CORO2B: variants seen among roughly 807,000 people sequenced by gnomAD.
The protein encoded by CORO2B is coronin 2B.
Under a neutral mutation model 58.8 loss-of-function variants are expected in CORO2B, and 26 were observed. That is an observed-to-expected ratio of 0.44 (90% CI 0.32 to 0.61). CORO2B has a LOEUF of 0.61. CORO2B is among the 20% of genes least tolerant of loss of function. The pLI is 0.04. For synonymous variants in CORO2B, 242 were observed against 253.8 expected (o/e 0.95, Z 0.44); for missense variants, 460 against 645.1 (o/e 0.71, Z 3.11).
At chr15:68,674,456 C>T (rs1000627992) in intron 2 of CORO2B, among the ~76,000 whole-genome samples, 12 of 152,164 alleles carry the variant, frequency 7.9e-5, no homozygotes, top group African/African-American at 2.9e-4. Flanking sequence ...CCCTGCTGCC[C>T]CTTCCTGTGA....
chr15:68,654,245 G>T (rs1901732000), intron 2 of CORO2B, among the ~76,000 whole-genome samples: 1 of 152,204 alleles, frequency 6.6e-6, no homozygotes, highest in African/African-American at 2.4e-5. Context: ...TTATTACAAG[G>T]TTATGGGATG....
the CORO2B span, among the ~76,000 whole-genome samples, chr15:68,525,829 A>C: frequency 1.8e-3 from 279 of 152,310 alleles, no homozygotes; most frequent in Non-Finnish European, 2.7e-3. Context: ...AGTTTTTACA[A>C]ATGTATACAT....
intron 2 of CORO2B, among the ~76,000 whole-genome samples, chr15:68,674,270 C>A (rs982183033): frequency 6.6e-6 from 1 of 152,172 alleles, no homozygotes; most frequent in Non-Finnish European, 1.5e-5. Context: ...AAGAAGCAAC[C>A]CTTTGGGGTC....
At chr15:68,705,714 C>T (rs1472650045) in intron 3 of CORO2B, among the ~76,000 whole-genome samples, 2 of 152,164 alleles carry the variant, frequency 1.3e-5, no homozygotes, top group African/African-American at 4.8e-5. Context: ...TACCCTGACC[C>T]CCCATCCCTG....
chr15:68,708,017 G>C (rs1029003854), intron 3 of CORO2B, among the ~76,000 whole-genome samples: 1 of 152,150 alleles, frequency 6.6e-6, no homozygotes, highest in Non-Finnish European at 1.5e-5. Context: ...CACCAAAGGG[G>C]ATGACAATGG....
At chr15:68,601,086 T>G (rs1012517752) in intron 1 of CORO2B, among the ~76,000 whole-genome samples, 1 of 152,174 alleles carries the variant, frequency 6.6e-6, no homozygotes, top group Non-Finnish European at 1.5e-5. Flanking sequence ...TGGGGTGGCA[T>G]GCAGGTTTTG....
At chr15:68,686,937 C>T (rs1903002672) in intron 2 of CORO2B, among the ~76,000 whole-genome samples, 1 of 152,016 alleles carries the variant, frequency 6.6e-6, no homozygotes, top group Non-Finnish European at 1.5e-5. Flanking sequence ...GAAAAAATTG[C>T]TTAACACAAG....
rs573714229 is a variant in CORO2B at position 68,700,267 on chromosome 15, C to T, written c.333+5011C>T. Among the ~76,000 whole-genome samples the T allele has an allele frequency of 3.3e-4, 51 of 152,292 alleles. 1 individual carries two copies. Among genetic ancestry groups the T allele is most frequent in the African/African-American group, 1.2e-3 (48 of 41,544 alleles). ...ACTGTGCTACATACAGGGCTGGGGACGGCGCCAGGCCACAGGGGCCCAGAG... is the reference window on the plus strand; with the variant it reads ...ACTGTGCTACATACAGGGCTGGGGATGGCGCCAGGCCACAGGGGCCCAGAG... On this transcript the variant is annotated intron_variant, in intron 3 of 11. Coordinates refer to ENST00000261861, the MANE Select transcript of CORO2B (RefSeq NM_006091.5).
intron 1 of CORO2B, among the ~76,000 whole-genome samples, chr15:68,613,286 C>T (rs1005578287): frequency 4.6e-5 from 7 of 152,108 alleles, no homozygotes; most frequent in South Asian, 4.1e-4. Context: ...AATAGAAGAA[C>T]GGGAAATGAG....
At chr15:68,629,180 T>G (rs541745322) in intron 1 of CORO2B, among the ~76,000 whole-genome samples, 1 of 152,220 alleles carries the variant, frequency 6.6e-6, no homozygotes, top group Non-Finnish European at 1.5e-5. Flanking sequence ...ACATTGGAAA[T>G]TCTGCAGTAG....
chr15:68,538,092 T>C, the CORO2B span, among the ~76,000 whole-genome samples: 1 of 152,222 alleles, frequency 6.6e-6, no homozygotes, highest in East Asian at 1.9e-4. Flanking sequence ...GAGAAATATA[T>C]AATTTTGTTT....
chr15:68,653,784 C>T (rs536621539), intron 2 of CORO2B, among the ~76,000 whole-genome samples: 2 of 152,022 alleles, frequency 1.3e-5, no homozygotes, highest in Admixed American at 1.3e-4. Context: ...AGCCTTCGTT[C>T]CCATTCCAGA....
intron 2 of CORO2B, among the ~76,000 whole-genome samples, chr15:68,648,206 GCC>G (rs1018596959): frequency 6.0e-4 from 89 of 148,938 alleles, no homozygotes; most frequent in Non-Finnish European, 2.4e-4. Context: ...GATGGCATGT[GCC>G]TGTAGTCCCA....
the CORO2B span, among the ~76,000 whole-genome samples, chr15:68,519,994 A>G: frequency 1.3e-5 from 2 of 152,152 alleles, no homozygotes; most frequent in East Asian, 1.9e-4. Flanking sequence ...TTCAATCCAA[A>G]CTATTTTCTC....
chr15:68,719,134 C>A lies in CORO2B; in HGVS notation c.1081-10C>A, dbSNP rs201655545. 293 of 1,610,066 alleles carry A rather than the reference C, an allele frequency of 1.8e-4. No individual in the cohort carries two copies. Among genetic ancestry groups the A allele is most frequent in the Non-Finnish European group, 1.9e-4 (218 of 1,176,478 alleles). ...CCCATGTGTCCTCTCTTCTGCTCCTCCCACTGTAGTCAGATTCCTACCAGG... is the reference window on the plus strand; with the variant it reads ...CCCATGTGTCCTCTCTTCTGCTCCTACCACTGTAGTCAGATTCCTACCAGG... On this transcript the variant is annotated splice_polypyrimidine_tract_variant and intron_variant, in intron 9 of 11. Coordinates refer to ENST00000261861, the MANE Select transcript of CORO2B (RefSeq NM_006091.5).
At chr15:68,590,837 G>C (rs1021904041) in intron 1 of CORO2B, among the ~76,000 whole-genome samples, 1 of 152,140 alleles carries the variant, frequency 6.6e-6, no homozygotes, top group South Asian at 2.1e-4. Flanking sequence ...TGCCAGGGAA[G>C]TGAGTGTGGA....
chr15:68,723,436 G>A (rs1051269039), intron 11 of CORO2B, among the ~76,000 whole-genome samples: 7 of 151,320 alleles, frequency 4.6e-5, no homozygotes, highest in Non-Finnish European at 8.8e-5. Flanking sequence ...GATACATTTG[G>A]TTTCTTTGTT....
the CORO2B span, among the ~76,000 whole-genome samples, chr15:68,531,986 T>C: frequency 1.3e-5 from 2 of 152,124 alleles, no homozygotes; most frequent in East Asian, 3.8e-4. Context: ...AAAAATGTCT[T>C]TCATTGTATT....
chr15:68,518,766 TG>T, the CORO2B span, among the ~76,000 whole-genome samples: 1 of 151,198 alleles, frequency 6.6e-6, no homozygotes, highest in Non-Finnish European at 1.5e-5. Flanking sequence ...GGAGAGGGGG[TG>T]GGGGGCTGCT....
Sources: gnomAD v4.1 joint callset for allele counts (sites outside exome capture counted in the v4.1 genomes callset) on GRCh38, gnomAD v4.1.1 for gene constraint, MANE v1.5 for transcripts, NCBI Gene and HGNC (gene_info 2026-07-23, HGNC 2026-07-21) for gene names.